ZNF559: variants seen among roughly 807,000 people sequenced by gnomAD.
ZNF559 encodes the protein putative protein product of Nbla00121.
ZNF559 carries 17 observed loss-of-function variants against 14.2 expected under a neutral mutation model. That is an observed-to-expected ratio of 1.20 (90% CI 0.82 to 1.80). The LOEUF (loss-of-function observed/expected upper bound fraction) is 1.80. Ranked by LOEUF, ZNF559 falls within the 40% of genes most tolerant of loss-of-function variation. The pLI is 0.00. For missense variants in ZNF559, 740 were observed against 629.7 expected, an observed-to-expected ratio of 1.18 and a Z score of -1.88; for synonymous variants, 244 against 212.4, an observed-to-expected ratio of 1.15 and a Z score of -1.29.
chr19:9,328,586 A>G (rs112236353), intron 2 of ZNF559, among the ~76,000 whole-genome samples: 5,308 of 151,684 alleles, frequency 0.035, 135 homozygotes, highest in Non-Finnish European at 0.057. Flanking sequence ...TCCTGACCTC[A>G]GGTGGTCTCA....
rs144964465 is a variant in ZNF559, at chr19:9,342,594, T to C, written c.1143T>C (p.Tyr381=). 4.0e-5 allele frequency: 65 copies of C among 1,613,994 alleles called. No individual in the cohort carries two copies. Among genetic ancestry groups the C allele is most frequent in the African/African-American group, 2.7e-4 (20 of 74,914 alleles). The change falls in exon 7 of 7, where the codon TAT becomes TAC. Residue 381 remains tyrosine, a synonymous_variant. Transcript: ENST00000603380. The stretch of plus-strand genomic sequence containing the variant: ...GAACTCACACTGGTGAGAAGCCTTA[T>C]CAATGTAAGGAATGTGGAAAAGCCT... ...HMRTHTGEKP[Y]QCKECGKAFI...
chr19:9,333,858 G>A (rs542249969), intron 2 of ZNF559, among the ~76,000 whole-genome samples: 22 of 152,134 alleles, frequency 1.4e-4, no homozygotes, highest in African/African-American at 3.6e-4. Flanking sequence ...CAGGCTCTTC[G>A]CAAAACTGAC....
rs2067653225 is a variant in ZNF559, at chr19:9,343,047, A to C, written c.1596A>C (p.Ser532=). The C allele has an allele frequency of 1.2e-6, 2 of 1,612,030 alleles. No individual in the cohort carries two copies. The highest frequency in any genetic ancestry group is 2.7e-5 in the African/African-American group (2 of 74,896). ...KECGQTFSNS[S]CLTECV is the part of the protein sequence containing the mutation. The stretch of plus-strand genomic sequence containing the variant: ...GTGGGCAAACCTTTAGTAATTCCTC[A>C]TGCCTTACTGAATGTGTGTGAATTG... Residue 532 remains serine (S), a synonymous_variant, in exon 7 of 7, where the codon TCA becomes TCC. Transcript: ENST00000603380.
In ZNF559 at chr19:9,344,684, CAAAT is replaced by C. The variant is rs2067692655; in HGVS notation, c.*1621_*1624del. On this transcript the variant is annotated 3_prime_UTR_variant, in exon 7 of 7. Transcript: ENST00000603380. ...GAAAATTGACGCCAGCAAAGAAAACCAAATAAATTATTTAAGTTTGCCTTTCTAT... is the reference window on the plus strand; with the variant it reads ...GAAAATTGACGCCAGCAAAGAAAACCAAATTATTTAAGTTTGCCTTTCTAT... 6.6e-6 allele frequency: 1 copy of C among 152,038 alleles called. No individual in the cohort carries two copies. The highest frequency in any genetic ancestry group is 1.5e-5 in the Non-Finnish European group (1 of 68,006). 9.4% of individuals were successfully genotyped at this position (152,038 alleles called of 1,614,324 possible).
At chr19:9,339,371 C>T (rs754916804) in intron 5 of ZNF559, 52 bp downstream of exon 5, 2 of 1,550,496 alleles carry the variant, frequency 1.3e-6, no homozygotes, top group South Asian at 2.5e-5. Flanking sequence ...ACAAATGTGT[C>T]TTAAGTAACT....
At chr19:9,325,431 G>T (rs2066528176) in intron 2 of ZNF559, among the ~76,000 whole-genome samples, 1 of 150,850 alleles carries the variant, frequency 6.6e-6, no homozygotes, top group Admixed American at 6.6e-5. Flanking sequence ...AACAGAGTGA[G>T]ACCCTGTTTC....
At chr19:9,333,917 A>G (rs1365422814) in intron 2 of ZNF559, among the ~76,000 whole-genome samples, 1 of 152,226 alleles carries the variant, frequency 6.6e-6, no homozygotes, top group African/African-American at 2.4e-5. Context: ...ATCCTCATCA[A>G]TAATCAGGCA....
At chr19:9,332,819 A>G (rs2067011443) in intron 2 of ZNF559, among the ~76,000 whole-genome samples, 1 of 152,156 alleles carries the variant, frequency 6.6e-6, no homozygotes, top group Non-Finnish European at 1.5e-5. Flanking sequence ...AGCAAAGCTT[A>G]TTATTTAGGT....
In ZNF559 at chr19:9,343,229, T is replaced by C; in HGVS notation, c.*161T>C. 3.5e-6 allele frequency: 5 copies of C among 1,441,022 alleles called. No homozygotes were observed. Among genetic ancestry groups the C allele is most frequent in the Non-Finnish European group, 3.6e-6 (4 of 1,102,676 alleles). The allele number at this position is 1,441,022 out of a possible 1,614,324, so 89.3% of individuals were successfully genotyped here. On this transcript the variant is annotated 3_prime_UTR_variant, in exon 7 of 7. Coordinates refer to ENST00000603380, the MANE Select transcript of ZNF559 (RefSeq NM_032497.3). Reference sequence around the variant, plus strand: ...CAATTCCAATAGAAGAGAAGACATATGAATGTAAGGAATGTGGGAAAATCT... The same window carrying C: ...CAATTCCAATAGAAGAGAAGACATACGAATGTAAGGAATGTGGGAAAATCT...
intron 2 of ZNF559, among the ~76,000 whole-genome samples, chr19:9,325,816 A>G (rs910227992): frequency 5.9e-5 from 9 of 152,012 alleles, no homozygotes. Flanking sequence ...TTTAACCCTT[A>G]ACTACATTCA....
At chr19:9,336,201 T>C (rs998995360) in intron 2 of ZNF559, among the ~76,000 whole-genome samples, 8 of 152,334 alleles carry the variant, frequency 5.3e-5, no homozygotes, top group African/African-American at 1.2e-4. Flanking sequence ...TCTGTAAATA[T>C]ACATTTATAT....
chr19:9,340,566 C>G (rs2067507401), intron 5 of ZNF559, among the ~76,000 whole-genome samples: 1 of 93,040 alleles, frequency 1.1e-5, no homozygotes, highest in South Asian at 3.6e-4. Flanking sequence ...CTCTCTGTCT[C>G]TAAAAAAAAA....
intron 2 of ZNF559, among the ~76,000 whole-genome samples, chr19:9,332,355 G>GTGTGTA (rs138636441): frequency 4.5e-4 from 67 of 150,060 alleles, no homozygotes; most frequent in African/African-American, 1.5e-3. Flanking sequence ...ATGTGTGTGT[G>GTGTGTA]TATATATATA....
At chr19:9,338,111 C>CT (rs1177618758) in intron 3 of ZNF559, 10 of 1,105,048 alleles carry the variant, frequency 9.0e-6, no homozygotes, top group Non-Finnish European at 1.2e-5. Flanking sequence ...AGTGGCCCTG[C>CT]TTTTGAGATA....
chr19:9,324,227 A>C lies in ZNF559; in HGVS notation c.-207A>C. The C allele has an allele frequency of 2.0e-6, 3 of 1,535,924 alleles. No individual in the cohort carries two copies. The highest frequency in any genetic ancestry group is 2.4e-5 in the South Asian group (2 of 84,058). On this transcript the variant is annotated splice_region_variant and 5_prime_UTR_variant, in exon 1 of 7. Transcript: ENST00000603380. ...AACAGCGCGTTCCCGTTGGCGTCTGAGGTAAGTTTTTGTTTCTGGGCGGCG... is the reference window on the plus strand; with the variant it reads ...AACAGCGCGTTCCCGTTGGCGTCTGCGGTAAGTTTTTGTTTCTGGGCGGCG...
chr19:9,338,371 G>A (rs554367825), intron 3 of ZNF559, 123 bp from the exon 4 acceptor site: 2 of 690,454 alleles, frequency 2.9e-6, no homozygotes, highest in South Asian at 1.9e-5. Flanking sequence ...GAGACAGGCT[G>A]CTCAGGCATT....
chr19:9,343,294 A>G lies in ZNF559; in HGVS notation c.*226A>G. The G allele has an allele frequency of 2.3e-6, 3 of 1,325,888 alleles. No homozygotes were observed. Among genetic ancestry groups the G allele is most frequent in the Non-Finnish European group, 2.9e-6 (3 of 1,037,250 alleles). The allele number at this position is 1,325,888 out of a possible 1,614,324, so 82.1% of individuals were successfully genotyped here. A position where few individuals can be genotyped will look rare whatever the true frequency, so the allele number is the denominator to read the frequency against. ...GGCCTTACTATTCATGTGTCTGTGCATCCTAGGAAACAAACTGAACGTAGG... is the reference window on the plus strand; with the variant it reads ...GGCCTTACTATTCATGTGTCTGTGCGTCCTAGGAAACAAACTGAACGTAGG... On this transcript the variant is annotated 3_prime_UTR_variant, in exon 7 of 7. Coordinates refer to ENST00000603380, the MANE Select transcript of ZNF559 (RefSeq NM_032497.3).
At position 9,342,960 on chromosome 19, in the gene ZNF559, T is replaced by A. The variant is rs2067649503; in HGVS notation, c.1509T>A (p.Thr503=). The change falls in exon 7 of 7, where the codon ACT becomes ACA. Residue 503 remains threonine, a synonymous_variant. Transcript: ENST00000603380. Reference sequence around the variant, plus strand: ...GTCAGGAATGTGGGAAAGCCTTTACTCGGTCCACATATCTTATTCGACATC... The same window carrying A: ...GTCAGGAATGTGGGAAAGCCTTTACACGGTCCACATATCTTATTCGACATC... The part of the protein sequence containing the change: ...FECQECGKAF[T]RSTYLIRHLR... 1 of 1,614,094 alleles carries A rather than the reference T, an allele frequency of 6.2e-7. No homozygotes were observed. Among genetic ancestry groups the A allele is most frequent in the African/African-American group, 1.3e-5 (1 of 74,944 alleles).
At chr19:9,325,819 T>G (rs1295424551) in intron 2 of ZNF559, among the ~76,000 whole-genome samples, 1 of 151,854 alleles carries the variant, frequency 6.6e-6, no homozygotes, top group Non-Finnish European at 1.5e-5. Context: ...AACCCTTAAC[T>G]ACATTCACTA....
Sources: gnomAD v4.1 joint callset for allele counts (sites outside exome capture counted in the v4.1 genomes callset) on GRCh38, gnomAD v4.1.1 for gene constraint, MANE v1.5 for transcripts, NCBI Gene and HGNC (gene_info 2026-07-23, HGNC 2026-07-21) for gene names.